Variants in DACH1 observed in about 807,000 individuals in gnomAD.
DACH1 encodes the protein dachshund family transcription factor 1.
A neutral mutation model predicts 54.2 loss-of-function variants in DACH1; 12 were observed. The ratio of observed to expected loss-of-function variants is 0.22; its 90% CI spans 0.14 to 0.36. DACH1 has a LOEUF of 0.36. DACH1 is among the 10% of genes least tolerant of loss of function. The probability of loss-of-function intolerance (pLI) is 1.00; values close to 1 mark genes in which losing one functional copy is unlikely to be tolerated. For missense variants in DACH1, 805 were observed against 929.8 expected (o/e 0.87, Z 1.75); for synonymous variants, 386 against 366.2 (o/e 1.05, Z -0.62).
chr13:71,840,208 A>G (rs1487073093), intron 1 of DACH1, among the ~76,000 whole-genome samples: 1 of 152,166 alleles, frequency 6.6e-6, no homozygotes, highest in Non-Finnish European at 1.5e-5. Context: ...TCAGCCTCCC[A>G]AAGTGCTGGG....
intron 1 of DACH1, among the ~76,000 whole-genome samples, chr13:71,787,425 A>G (rs2138083174): frequency 6.6e-6 from 1 of 152,294 alleles, no homozygotes; most frequent in Middle Eastern, 3.4e-3. Flanking sequence ...CTTTAGTTAC[A>G]CATATTCCTT....
intron 2 of DACH1, among the ~76,000 whole-genome samples, chr13:71,680,225 A>G (rs925396308): frequency 6.6e-6 from 1 of 152,174 alleles, no homozygotes; most frequent in Non-Finnish European, 1.5e-5. Flanking sequence ...TCAGCTATTG[A>G]TTTCATTTTT....
rs192993909 is a variant in DACH1, at chr13:71,778,709, T to G, written c.848+87213A>C. On this transcript the variant is annotated intron_variant, in intron 1 of 10. Coordinates refer to ENST00000613252, the MANE Select transcript of DACH1 (RefSeq NM_080759.6). ...TTTTAAGCATAGCTCTTGAAACACA[T>G]AGTAAGCTCCTTTCAGAATTTCATA... Among the ~76,000 whole-genome samples, 21 of 152,250 alleles carry G rather than the reference T, an allele frequency of 1.4e-4. No homozygotes were observed. The East Asian group carries it at 3.9e-3, about 28-fold the overall frequency.
intron 1 of DACH1, among the ~76,000 whole-genome samples, chr13:71,864,343 C>T (rs1477434132): frequency 1.3e-5 from 2 of 152,106 alleles, no homozygotes; most frequent in African/African-American, 2.4e-5. Flanking sequence ...GACTGGAATT[C>T]GAATCTTTTT....
At chr13:71,764,708 T>C (rs1885545479) in intron 1 of DACH1, among the ~76,000 whole-genome samples, 1 of 152,194 alleles carries the variant, frequency 6.6e-6, no homozygotes. Flanking sequence ...ATATGCACAA[T>C]GCAAAAGCTC....
intron 1 of DACH1, among the ~76,000 whole-genome samples, chr13:71,856,623 GT>G (rs1350893576): frequency 6.6e-6 from 1 of 151,836 alleles, no homozygotes. Context: ...TTTGTACAAA[GT>G]TTTTTTAATT....
chr13:71,856,225 T>C (rs986480963), intron 1 of DACH1, among the ~76,000 whole-genome samples: 5 of 151,900 alleles, frequency 3.3e-5, no homozygotes, highest in Non-Finnish European at 7.4e-5. Flanking sequence ...TGGGGTAACT[T>C]GTATAAATGT....
At chr13:71,713,665 A>T (rs909640080) in intron 1 of DACH1, among the ~76,000 whole-genome samples, 1 of 152,208 alleles carries the variant, frequency 6.6e-6, no homozygotes, top group African/African-American at 2.4e-5. Context: ...GATTAAAGAT[A>T]CAAATTAAAA....
chr13:71,541,542 A>C lies in DACH1; in HGVS notation c.1570+15482T>G, dbSNP rs372894991. Among the ~76,000 whole-genome samples the C allele has an allele frequency of 3.7e-4, 57 of 152,252 alleles. No individual in the cohort carries two copies. In the East Asian group the frequency reaches 6.4e-3, roughly 17 times the overall value. The stretch of plus-strand genomic sequence containing the variant: ...CTGAATAAAACTTTTTCTTTACAAG[A>C]AGCACACTGGACTTGCGATTTGTAT... On this transcript the variant is annotated intron_variant, in intron 6 of 10. Coordinates refer to ENST00000613252, the MANE Select transcript of DACH1 (RefSeq NM_080759.6).
At chr13:71,823,047 C>T (rs1888251709) in intron 1 of DACH1, among the ~76,000 whole-genome samples, 1 of 152,068 alleles carries the variant, frequency 6.6e-6, no homozygotes. Flanking sequence ...AAAGCGGTGG[C>T]ATGCCCTGAC....
chr13:71,533,610 A>C (rs1279656153), intron 6 of DACH1, among the ~76,000 whole-genome samples: 3 of 151,964 alleles, frequency 2.0e-5, no homozygotes, highest in Admixed American at 6.6e-5. Context: ...TTTTCCTATA[A>C]AACAGCTTGA....
intron 1 of DACH1, among the ~76,000 whole-genome samples, chr13:71,744,747 T>C (rs1043497800): frequency 6.6e-6 from 1 of 152,214 alleles, no homozygotes; most frequent in African/African-American, 2.4e-5. Flanking sequence ...CATATGATTT[T>C]ATGAGAATCC....
intron 6 of DACH1, among the ~76,000 whole-genome samples, chr13:71,511,660 T>TA (rs1258040636): frequency 1.3e-5 from 2 of 151,890 alleles, no homozygotes; most frequent in Non-Finnish European, 2.9e-5. Context: ...TTATTCCTTT[T>TA]AAAAAAATAA....
chr13:71,748,042 A>G (rs1001383936), intron 1 of DACH1, among the ~76,000 whole-genome samples: 1 of 152,184 alleles, frequency 6.6e-6, no homozygotes, highest in African/African-American at 2.4e-5. Context: ...TCCAACTATA[A>G]AAAGATTAAG....
intron 4 of DACH1, among the ~76,000 whole-genome samples, chr13:71,570,003 C>T (rs1885103485): frequency 6.6e-6 from 1 of 152,104 alleles, no homozygotes; most frequent in Non-Finnish European, 1.5e-5. Flanking sequence ...GTGTCCAATA[C>T]TGTTAAAGGT....
At chr13:71,442,004 G>A (rs1446526797) in intron 10 of DACH1, among the ~76,000 whole-genome samples, 1 of 152,010 alleles carries the variant, frequency 6.6e-6, no homozygotes, top group Non-Finnish European at 1.5e-5. Flanking sequence ...TGGGTAAATG[G>A]GGTGTCTATC....
At chr13:71,863,945 A>C (rs1874524029) in intron 1 of DACH1, among the ~76,000 whole-genome samples, 1 of 151,618 alleles carries the variant, frequency 6.6e-6, no homozygotes. Flanking sequence ...ATTTTATAAC[A>C]ATCGTATCTG....
chr13:71,674,697 C>T (rs1880437531), intron 2 of DACH1, among the ~76,000 whole-genome samples: 2 of 35,588 alleles, frequency 5.6e-5, no homozygotes, highest in Non-Finnish European at 1.2e-4. Context: ...TGTGGTTTTG[C>T]CACTAAGCTT....
chr13:71,768,957 C>T (rs1334591031), intron 1 of DACH1, among the ~76,000 whole-genome samples: 1 of 151,780 alleles, frequency 6.6e-6, no homozygotes, highest in Non-Finnish European at 1.5e-5. Context: ...ATCTGTATTA[C>T]ACTACTTTAT....
Sources: gnomAD v4.1 joint callset for allele counts (sites outside exome capture counted in the v4.1 genomes callset) on GRCh38, gnomAD v4.1.1 for gene constraint, MANE v1.5 for transcripts, NCBI Gene and HGNC (gene_info 2026-07-23, HGNC 2026-07-21) for gene names.